Variants in LRRIQ3 observed in about 807,000 individuals in gnomAD.
LRRIQ3 encodes leucine rich repeats and IQ motif containing 3.
A neutral mutation model predicts 59.3 loss-of-function variants in LRRIQ3; 75 were observed. That is an observed-to-expected ratio of 1.26 (90% CI 1.05 to 1.53). LRRIQ3 has a LOEUF of 1.53. LRRIQ3 is among the 40% of genes most tolerant of loss of function. The pLI, the probability that LRRIQ3 is intolerant of heterozygous loss-of-function variation, is 0.00. For synonymous variants in LRRIQ3, 250 were observed against 231.3 expected, an observed-to-expected ratio of 1.08 and a Z score of -0.73; for missense variants, 831 against 710.0, an observed-to-expected ratio of 1.17 and a Z score of -1.94.
chr1:74,096,093 CA>C (rs996918332), intron 5 of LRRIQ3, among the ~76,000 whole-genome samples: 3 of 151,156 alleles, frequency 2.0e-5, no homozygotes, highest in Non-Finnish European at 3.0e-5. Context: ...AACTATATTT[CA>C]AAAAAAATAA....
chr1:74,132,432 G>C (rs1184311343), intron 4 of LRRIQ3, among the ~76,000 whole-genome samples: 1 of 152,124 alleles, frequency 6.6e-6, no homozygotes, highest in Non-Finnish European at 1.5e-5. Context: ...AAAGAACAAA[G>C]CTGGAGGCGT....
intron 1 of LRRIQ3, 119 bp from the exon 2 acceptor site, chr1:74,183,803 A>T (rs1650175533): frequency 7.7e-6 from 6 of 777,926 alleles, no homozygotes; most frequent in East Asian, 3.0e-5. Context: ...GTTAAAATTT[A>T]AAAAAACTCA....
intron 6 of LRRIQ3, among the ~76,000 whole-genome samples, chr1:74,068,394 A>G (rs1421588156): frequency 6.6e-6 from 1 of 151,986 alleles, no homozygotes; most frequent in African/African-American, 2.4e-5. Context: ...AATTCTCTTA[A>G]TTTCTTTTAC....
At chr1:74,077,635 C>T (rs1381606985) in intron 5 of LRRIQ3, among the ~76,000 whole-genome samples, 1 of 151,852 alleles carries the variant, frequency 6.6e-6, no homozygotes, top group African/African-American at 2.4e-5. Flanking sequence ...GCTGTCATTG[C>T]TTGCCACATT....
intron 5 of LRRIQ3, among the ~76,000 whole-genome samples, chr1:74,099,457 A>G (rs189493817): frequency 2.0e-5 from 3 of 152,300 alleles, no homozygotes; most frequent in African/African-American, 7.2e-5. Flanking sequence ...ATGGATTCAC[A>G]GCCGAATTCT....
At chr1:74,148,896 C>T (rs1305725987) in intron 4 of LRRIQ3, among the ~76,000 whole-genome samples, 1 of 152,146 alleles carries the variant, frequency 6.6e-6, no homozygotes, top group African/African-American at 2.4e-5. Flanking sequence ...AGTGAGGACA[C>T]AATTGGCTTA....
chr1:74,068,195 A>G (rs1437635470), intron 6 of LRRIQ3, among the ~76,000 whole-genome samples: 2 of 152,100 alleles, frequency 1.3e-5, no homozygotes, highest in Non-Finnish European at 2.9e-5. Flanking sequence ...ATGTTATGAT[A>G]CTAATTTCTG....
intron 6 of LRRIQ3, among the ~76,000 whole-genome samples, chr1:74,058,759 G>A (rs558265788): frequency 2.0e-5 from 3 of 152,082 alleles, no homozygotes; most frequent in African/African-American, 7.2e-5. Flanking sequence ...TGTTTGAGGC[G>A]ATGAATATTC....
chr1:74,065,007 T>G (rs1477602991), intron 6 of LRRIQ3, among the ~76,000 whole-genome samples: 1 of 152,088 alleles, frequency 6.6e-6, no homozygotes, highest in East Asian at 1.9e-4. Context: ...TTTTCAATAG[T>G]TTTTCTTTCC....
At chr1:74,051,706 C>G (rs1170684965) in intron 6 of LRRIQ3, among the ~76,000 whole-genome samples, 2 of 152,094 alleles carry the variant, frequency 1.3e-5, no homozygotes, top group African/African-American at 4.8e-5. Flanking sequence ...TTCTGTCTGC[C>G]AGATTTTCCT....
chr1:74,098,339 A>C (rs1646477960), intron 5 of LRRIQ3, among the ~76,000 whole-genome samples: 2 of 152,242 alleles, frequency 1.3e-5, no homozygotes, highest in Non-Finnish European at 2.9e-5. Context: ...GGATCAATTC[A>C]ACAAGAAGAG....
At chr1:74,130,785 A>T (rs928407424) in intron 4 of LRRIQ3, among the ~76,000 whole-genome samples, 47 of 152,142 alleles carry the variant, frequency 3.1e-4, no homozygotes, top group African/African-American at 1.1e-3. Flanking sequence ...AGCAGGAAAG[A>T]TCTAAAATTG....
intron 4 of LRRIQ3, among the ~76,000 whole-genome samples, chr1:74,143,214 G>T (rs1047138384): frequency 6.6e-6 from 1 of 151,810 alleles, no homozygotes; most frequent in African/African-American, 2.4e-5. Context: ...TAAGATGAAC[G>T]GGAGACACTA....
Position 74,155,831 on chromosome 1 carries a change from T to C in LRRIQ3, c.609A>G (p.Lys203=). The C allele has an allele frequency of 3.2e-6, 5 of 1,549,634 alleles. No homozygotes were observed. Among genetic ancestry groups the C allele is most frequent in the Non-Finnish European group, 4.4e-6 (5 of 1,143,074 alleles). The change falls in exon 4 of 8, where the codon AAA becomes AAG. Residue 203 remains lysine, a synonymous_variant. Coordinates refer to ENST00000354431, the MANE Select transcript of LRRIQ3 (RefSeq NM_001105659.2). ...TTYEEEINNI[K]HITSKINAIL... ...TTGCATTAATTTTTGAAGTAATATG[T>C]TTAATATTATTAATTTCCTCTTCAT...
At chr1:74,121,293 A>C (rs1159516748) in intron 4 of LRRIQ3, among the ~76,000 whole-genome samples, 2 of 152,166 alleles carry the variant, frequency 1.3e-5, no homozygotes, top group Admixed American at 6.6e-5. Context: ...AGTGCCATCC[A>C]ACTTTTCCAT....
chr1:74,050,868 T>G (rs559845528), intron 6 of LRRIQ3, among the ~76,000 whole-genome samples: 1 of 152,278 alleles, frequency 6.6e-6, no homozygotes, highest in Non-Finnish European at 1.5e-5. Flanking sequence ...TGCAATTTCT[T>G]CCTATTTTCT....
intron 1 of LRRIQ3, among the ~76,000 whole-genome samples, chr1:74,196,350 A>C (rs570955034): frequency 7.0e-4 from 107 of 152,260 alleles, no homozygotes; most frequent in African/African-American, 2.4e-3. Flanking sequence ...TACAGACCCC[A>C]AACATATAGG....
intron 1 of LRRIQ3, among the ~76,000 whole-genome samples, chr1:74,190,845 G>A (rs970194448): frequency 1.3e-5 from 2 of 152,016 alleles, no homozygotes; most frequent in African/African-American, 4.8e-5. Flanking sequence ...AAACCATGCA[G>A]GCAGAAGATA....
intron 5 of LRRIQ3, among the ~76,000 whole-genome samples, chr1:74,078,261 T>C (rs770864635): frequency 6.6e-6 from 1 of 151,860 alleles, no homozygotes; most frequent in Non-Finnish European, 1.5e-5. Context: ...AGGTATCTAA[T>C]GTCATGATAC....
Sources: allele counts gnomAD v4.1 joint callset (sites outside exome capture counted in the v4.1 genomes callset), GRCh38; gene constraint gnomAD v4.1.1; transcripts MANE v1.5; gene names NCBI Gene and HGNC (gene_info 2026-07-23, HGNC 2026-07-21).